Variants in CYP4X1 observed in about 807,000 individuals in gnomAD.
CYP4X1 encodes the protein cytochrome P450 4X1.
Under a neutral mutation model 57.9 loss-of-function variants are expected in CYP4X1, and 44 were observed. That is an observed-to-expected ratio of 0.76 (90% confidence interval 0.60 to 0.98). The LOEUF is 0.98. Among genes scored for constraint, CYP4X1 ranks in the 50% least tolerant of loss-of-function variants. The pLI is 0.00. For synonymous variants in CYP4X1, 227 were observed against 228.6 expected (o/e 0.99, Z 0.06); for missense variants, 532 against 623.9 (o/e 0.85, Z 1.57).
rs371588025 is a variant in CYP4X1 at position 47,048,640 on chromosome 1, C to T, written c.1272+11C>T. ...TGGAAAAACCCAAAGGTATGATTCT[C>T]TCTTGTACATAAATACTTCCAAGAA... is the stretch of plus-strand genomic sequence containing the variant. On this transcript the variant is annotated intron_variant, in intron 10 of 11. Transcript: ENST00000371901. The T allele has an allele frequency of 1.6e-5, 25 of 1,607,386 alleles. 1 individual carries two copies. The South Asian group carries it at 2.3e-4, about 15-fold the overall frequency.
chr1:47,007,741 A>T, the CYP4X1 span, among the ~76,000 whole-genome samples: 5 of 152,254 alleles, frequency 3.3e-5, no homozygotes, highest in African/African-American at 1.2e-4. Flanking sequence ...AAAGGACCTG[A>T]CGGAGCCGAA....
chr1:47,014,736 T>A, the CYP4X1 span, among the ~76,000 whole-genome samples: 1 of 152,228 alleles, frequency 6.6e-6, no homozygotes, highest in Non-Finnish European at 1.5e-5. Flanking sequence ...CTTCTCTGCT[T>A]GCCTCTTTTC....
At chr1:47,008,451 A>G in the CYP4X1 span, among the ~76,000 whole-genome samples, 1 of 152,242 alleles carries the variant, frequency 6.6e-6, no homozygotes, top group Non-Finnish European at 1.5e-5. Context: ...AACAACCAGT[A>G]CCAGCCACTG....
the CYP4X1 span, among the ~76,000 whole-genome samples, chr1:46,991,528 C>T: frequency 1.3e-5 from 2 of 152,214 alleles, no homozygotes; most frequent in Non-Finnish European, 2.9e-5. Context: ...AGTTAAAGCA[C>T]CCTTGTTTGA....
chr1:46,964,960 C>T, the CYP4X1 span, among the ~76,000 whole-genome samples: 3 of 152,174 alleles, frequency 2.0e-5, no homozygotes, highest in Non-Finnish European at 4.4e-5. Context: ...CCCCTAGCCT[C>T]ACTGCCGCCT....
the CYP4X1 span, among the ~76,000 whole-genome samples, chr1:47,004,228 G>A: frequency 1.3e-5 from 2 of 152,226 alleles, no homozygotes; most frequent in Non-Finnish European, 2.9e-5. Flanking sequence ...ATCTTGTGGA[G>A]CGTACTTTCA....
the CYP4X1 span, among the ~76,000 whole-genome samples, chr1:46,976,820 C>T: frequency 6.6e-6 from 1 of 152,100 alleles, no homozygotes; most frequent in African/African-American, 2.4e-5. Flanking sequence ...CTGGTGATAC[C>T]CAGGCAAACA....
At chr1:46,969,079 G>A in the CYP4X1 span, among the ~76,000 whole-genome samples, 2 of 152,108 alleles carry the variant, frequency 1.3e-5, no homozygotes, top group Non-Finnish European at 2.9e-5. Context: ...GATCATGGGG[G>A]CAGATCCCTC....
At chr1:47,054,159 C>T (rs1368492733), downstream of CYP4X1, among the ~76,000 whole-genome samples, 16 of 151,248 alleles carry the variant, frequency 1.1e-4, no homozygotes, top group Non-Finnish European at 1.9e-4. Flanking sequence ...TTCCCAGCAC[C>T]GTTTATTAAA....
the CYP4X1 span, among the ~76,000 whole-genome samples, chr1:46,978,943 A>T: frequency 6.6e-6 from 1 of 152,246 alleles, no homozygotes; most frequent in African/African-American, 2.4e-5. Context: ...CAAAGACACA[A>T]CATACCAGAA....
chr1:47,031,109 G>C (rs1644119398), intron 2 of CYP4X1, among the ~76,000 whole-genome samples: 1 of 152,226 alleles, frequency 6.6e-6, no homozygotes, highest in South Asian at 2.1e-4. Context: ...TTTTCCTTCT[G>C]TAAAGGATAT....
At chr1:46,976,955 A>T in the CYP4X1 span, among the ~76,000 whole-genome samples, 1 of 152,272 alleles carries the variant, frequency 6.6e-6, no homozygotes, top group Non-Finnish European at 1.5e-5. Context: ...CCCACACCAA[A>T]ACCCCATCTG....
At chr1:47,023,258 G>A (rs1438541226), upstream of CYP4X1, among the ~76,000 whole-genome samples, 5 of 152,124 alleles carry the variant, frequency 3.3e-5, no homozygotes, top group African/African-American at 9.7e-5. Context: ...CAGTGCCCTC[G>A]TATCGGCAGC....
the CYP4X1 span, among the ~76,000 whole-genome samples, chr1:46,991,072 C>T: frequency 6.6e-6 from 1 of 151,786 alleles, no homozygotes; most frequent in African/African-American, 2.4e-5. Context: ...AGAGGCATCC[C>T]GTTAGTGGAT....
At chr1:46,997,418 T>C in the CYP4X1 span, among the ~76,000 whole-genome samples, 22 of 152,340 alleles carry the variant, frequency 1.4e-4, no homozygotes, top group East Asian at 3.9e-3. Context: ...GTTTCCATCT[T>C]TATGTTCATG....
intron 1 of CYP4X1, 81 bp downstream of exon 1, chr1:47,024,075 G>A: frequency 6.7e-7 from 1 of 1,490,258 alleles, no homozygotes; most frequent in South Asian, 1.3e-5. Context: ...GCAGAGAGAC[G>A]CAGCTTTCTT....
In CYP4X1 at chr1:47,036,119, C is replaced by G. The variant is rs781724301; in HGVS notation, c.723C>G (p.Ser241Arg). 7 of 1,613,666 alleles carry G rather than the reference C, an allele frequency of 4.3e-6. No individual in the cohort carries two copies. In the East Asian group the frequency reaches 1.6e-4, roughly 36 times the overall value. Residue 241 changes from serine (S) to arginine (R), a missense_variant, in exon 6 of 12, where the codon AGC becomes AGG. Coordinates refer to ENST00000371901, the MANE Select transcript of CYP4X1 (RefSeq NM_178033.2). ...ACAGTGACATAATTTTCAAACTCAG[C>G]CCTCAGGGCTACCGCTTCCAGAAGT... ...LYHSDIIFKL[S>R]PQGYRFQKLS... is the part of the protein sequence containing the mutation.
chr1:47,018,213 A>G, the CYP4X1 span, among the ~76,000 whole-genome samples: 3 of 152,200 alleles, frequency 2.0e-5, no homozygotes, highest in African/African-American at 7.2e-5. Context: ...AACTGGTTAC[A>G]GGGAGAAGGC....
the CYP4X1 span, among the ~76,000 whole-genome samples, chr1:46,962,078 T>C: frequency 3.9e-5 from 6 of 152,162 alleles, no homozygotes; most frequent in Non-Finnish European, 8.8e-5. Flanking sequence ...CTAAAGAGAC[T>C]GAATCTGAAG....
Sources: gnomAD v4.1 joint callset for allele counts (sites outside exome capture counted in the v4.1 genomes callset) on GRCh38, gnomAD v4.1.1 for gene constraint, MANE v1.5 for transcripts, NCBI Gene and HGNC (gene_info 2026-07-23, HGNC 2026-07-21) for gene names.